Variants in CDH2 observed in about 807,000 individuals in gnomAD.
The protein encoded by CDH2 is cadherin 2, also known as cadherin-2.
CDH2 carries 17 observed loss-of-function variants against 92.0 expected under a neutral mutation model. That is an observed-to-expected ratio of 0.18 (90% CI 0.13 to 0.28). CDH2 has a LOEUF of 0.28. Ranked by LOEUF, CDH2 falls within the 10% of genes least tolerant of loss-of-function variation. The pLI, the probability that CDH2 is intolerant of heterozygous loss-of-function variation, is 1.00. For missense variants in CDH2, 862 were observed against 1,133.1 expected (o/e 0.76, Z 3.44); for synonymous variants, 419 against 415.9 (o/e 1.01, Z -0.09).
chr18:28,057,708 C>T (rs2014321491), intron 2 of CDH2, among the ~76,000 whole-genome samples: 1 of 151,724 alleles, frequency 6.6e-6, no homozygotes, highest in African/African-American at 2.4e-5. Flanking sequence ...TTAGATTGAT[C>T]AAGGTCAAAT....
intron 2 of CDH2, among the ~76,000 whole-genome samples, chr18:28,016,839 C>T (rs2013262086): frequency 6.6e-6 from 1 of 151,984 alleles, no homozygotes; most frequent in Non-Finnish European, 1.5e-5. Context: ...GTAAATAGCG[C>T]ATTAAAAAGA....
At chr18:28,058,286 T>TTA (rs1212877520) in intron 2 of CDH2, among the ~76,000 whole-genome samples, 1 of 152,170 alleles carries the variant, frequency 6.6e-6, no homozygotes, top group Non-Finnish European at 1.5e-5. Context: ...CCTTTGGTGA[T>TTA]CTGGAACCCA....
intron 2 of CDH2, among the ~76,000 whole-genome samples, chr18:28,019,188 C>T (rs1332290276): frequency 6.6e-6 from 1 of 151,838 alleles, no homozygotes; most frequent in Non-Finnish European, 1.5e-5. Context: ...ACACTGGGTA[C>T]ATTGTACACT....
intron 11 of CDH2, among the ~76,000 whole-genome samples, chr18:27,987,080 C>T (rs757471653): frequency 1.3e-5 from 2 of 152,138 alleles, no homozygotes; most frequent in Non-Finnish European, 1.5e-5. Flanking sequence ...TTATCAAAAG[C>T]CCTTTCAATT....
chr18:27,972,699 G>A (rs2011696366), intron 14 of CDH2, among the ~76,000 whole-genome samples: 1 of 152,214 alleles, frequency 6.6e-6, no homozygotes, highest in South Asian at 2.1e-4. Context: ...TTCAGGAAGA[G>A]GGCCCACAGC....
intron 2 of CDH2, among the ~76,000 whole-genome samples, chr18:28,026,995 C>T (rs936324349): frequency 6.6e-6 from 1 of 152,092 alleles, no homozygotes; most frequent in Non-Finnish European, 1.5e-5. Flanking sequence ...TGCCCTCCTC[C>T]CCTGCAGTGG....
intron 14 of CDH2, among the ~76,000 whole-genome samples, chr18:27,973,863 T>A (rs903281479): frequency 6.6e-6 from 1 of 152,170 alleles, no homozygotes; most frequent in Non-Finnish European, 1.5e-5. Flanking sequence ...GGTAGGGTGA[T>A]CCTAGAAGTC....
Position 27,985,019 on chromosome 18 carries a change from G to A in CDH2, c.2190C>T (p.Leu730=), listed in dbSNP as rs2012178807. The A allele has an allele frequency of 6.2e-7, 1 of 1,613,300 alleles. No homozygotes were observed. Among genetic ancestry groups the A allele is most frequent in the Non-Finnish European group, 8.5e-7 (1 of 1,179,210 alleles). Residue 730 remains leucine, a synonymous_variant, in exon 13 of 16, where the codon CTC becomes CTT. Transcript: ENST00000269141. ...LGTGAIIAIL[L]CIIILLILVL... The stretch of plus-strand genomic sequence containing the variant: ...ACTCACTAAGCAGGATGATGATGCA[G>A]AGCAGGATGGCAATGATGGCACCGG...
chr18:28,136,889 T>C (rs1164938445), intron 2 of CDH2, among the ~76,000 whole-genome samples: 1 of 152,172 alleles, frequency 6.6e-6, no homozygotes, highest in Non-Finnish European at 1.5e-5. Flanking sequence ...AACTCTGGAT[T>C]GGGGCTCAGG....
intron 2 of CDH2, among the ~76,000 whole-genome samples, chr18:28,075,726 C>CT (rs1335534420): frequency 6.6e-6 from 1 of 152,176 alleles, no homozygotes; most frequent in Non-Finnish European, 1.5e-5. Context: ...TTTGTAGACT[C>CT]TATCTCTGCC....
intron 1 of CDH2, among the ~76,000 whole-genome samples, chr18:28,159,588 G>A (rs959241079): frequency 6.6e-6 from 1 of 151,856 alleles, no homozygotes; most frequent in African/African-American, 2.4e-5. Flanking sequence ...GGGGAAGAAA[G>A]TACTCATGGA....
intron 2 of CDH2, among the ~76,000 whole-genome samples, chr18:28,018,986 G>A (rs1250820885): frequency 1.3e-5 from 2 of 151,660 alleles, no homozygotes; most frequent in African/African-American, 2.4e-5. Context: ...ACAAACTAAT[G>A]ACATCTGCAG....
chr18:28,115,010 G>C (rs1307145076), intron 2 of CDH2, among the ~76,000 whole-genome samples: 3 of 152,124 alleles, frequency 2.0e-5, no homozygotes, highest in Non-Finnish European at 2.9e-5. Flanking sequence ...GTCCAGCTAA[G>C]TGTAACAGGG....
At chr18:28,156,952 G>C (rs902881312) in intron 1 of CDH2, among the ~76,000 whole-genome samples, 1 of 152,202 alleles carries the variant, frequency 6.6e-6, no homozygotes, top group Non-Finnish European at 1.5e-5. Context: ...CTGCCAAAGT[G>C]AGAAGAGGCT....
intron 2 of CDH2, among the ~76,000 whole-genome samples, chr18:28,123,396 T>C (rs1428709168): frequency 6.6e-6 from 1 of 152,142 alleles, no homozygotes; most frequent in Non-Finnish European, 1.5e-5. Context: ...TCAAAATCAT[T>C]TAGCAGCAAT....
At chr18:28,035,325 A>G (rs1275150660) in intron 2 of CDH2, among the ~76,000 whole-genome samples, 1 of 152,034 alleles carries the variant, frequency 6.6e-6, no homozygotes, top group Non-Finnish European at 1.5e-5. Flanking sequence ...CCTATTTTAC[A>G]TGCACATACT....
intron 6 of CDH2, among the ~76,000 whole-genome samples, chr18:27,935,312 A>G (rs1488774130): frequency 1.3e-5 from 2 of 152,174 alleles, no homozygotes; most frequent in African/African-American, 4.8e-5. Flanking sequence ...GGGGAAGCAG[A>G]CACATGTTCA....
chr18:28,013,346 G>C (rs896343694), intron 3 of CDH2, among the ~76,000 whole-genome samples: 4 of 152,104 alleles, frequency 2.6e-5, no homozygotes, highest in Non-Finnish European at 5.9e-5. Flanking sequence ...TAATAAATCT[G>C]ACTGATGACA....
At chr18:27,989,948 A>G in intron 10 of CDH2, 149 bp downstream of exon 10, 1 of 628,852 alleles carries the variant, frequency 1.6e-6, no homozygotes, top group East Asian at 2.8e-5. Context: ...TGACTTACTG[A>G]GAAGAAAATT....
Sources: gnomAD v4.1 joint callset for allele counts (sites outside exome capture counted in the v4.1 genomes callset) on GRCh38, gnomAD v4.1.1 for gene constraint, MANE v1.5 for transcripts, NCBI Gene and HGNC (gene_info 2026-07-23, HGNC 2026-07-21) for gene names.